The following CNBD1 variants were observed in gnomAD, a reference collection of about 807,000 sequenced individuals.
The protein encoded by CNBD1 is cyclic nucleotide binding domain containing 1, also known as cyclic nucleotide-binding domain-containing protein 1.
Under a neutral mutation model 54.4 loss-of-function variants are expected in CNBD1, and 71 were observed. The ratio of observed to expected loss-of-function variants is 1.30; its 90% CI spans 1.08 to 1.59. The LOEUF is 1.59. Ranked by LOEUF, CNBD1 falls within the 40% of genes most tolerant of loss-of-function variation. CNBD1 has a pLI of 0.00. For synonymous variants in CNBD1, 182 were observed against 170.7 expected (o/e 1.07, Z -0.51); for missense variants, 659 against 518.0 (o/e 1.27, Z -2.64).
Position 87,321,728 on chromosome 8 carries a change from G to A in CNBD1, c.1043-29957G>A, listed in dbSNP as rs116356475. ...CATTTGTCTATTTTTGCTTTTTTGT[G>A]CCTGTGCTTTTGGTGTCGTATCCAA... On this transcript the variant is annotated intron_variant, in intron 8 of 10. Coordinates refer to ENST00000518476, the MANE Select transcript of CNBD1 (RefSeq NM_173538.3). Among the ~76,000 whole-genome samples the A allele has an allele frequency of 6.0e-3, 912 of 150,890 alleles. 10 individuals are homozygous for A. Among genetic ancestry groups the A allele is most frequent in the African/African-American group, 0.021 (856 of 41,144 alleles).
At chr8:86,954,676 G>A (rs570039503) in intron 4 of CNBD1, among the ~76,000 whole-genome samples, 43 of 152,154 alleles carry the variant, frequency 2.8e-4, no homozygotes, top group Non-Finnish European at 5.1e-4. Flanking sequence ...TGTTATAATG[G>A]TAGCTCTTAG....
intron 4 of CNBD1, among the ~76,000 whole-genome samples, chr8:87,131,882 T>A (rs2130727287): frequency 6.6e-6 from 1 of 152,176 alleles, no homozygotes; most frequent in Middle Eastern, 3.4e-3. Flanking sequence ...AAGACTTTCT[T>A]CATGATTTCT....
intron 1 of CNBD1, among the ~76,000 whole-genome samples, chr8:86,881,566 T>C (rs1012010953): frequency 6.6e-6 from 1 of 152,162 alleles, no homozygotes; most frequent in African/African-American, 2.4e-5. Flanking sequence ...ATAGGACAGA[T>C]AAATATCATT....
chr8:86,965,871 C>T (rs1808059453), intron 4 of CNBD1, among the ~76,000 whole-genome samples: 2 of 152,138 alleles, frequency 1.3e-5, no homozygotes, highest in Non-Finnish European at 2.9e-5. Context: ...CAGTTCTCAA[C>T]AGAGAGGAGG....
intron 8 of CNBD1, among the ~76,000 whole-genome samples, chr8:87,291,089 G>T (rs1015798595): frequency 6.6e-6 from 1 of 152,132 alleles, no homozygotes; most frequent in Non-Finnish European, 1.5e-5. Context: ...CTTAGAAATA[G>T]TCTATGTCCT....
chr8:86,937,424 T>C (rs1809568776), intron 3 of CNBD1, among the ~76,000 whole-genome samples: 1 of 152,114 alleles, frequency 6.6e-6, no homozygotes. Flanking sequence ...CAAAACCAAT[T>C]GTACCTTCCC....
Position 87,382,791 on chromosome 8 carries a change from C to A in CNBD1, c.*164C>A, listed in dbSNP as rs1030919602. The stretch of plus-strand genomic sequence containing the variant: ...TCCCACTTTCGAATTGCCTTTCAAA[C>A]ACAGTTTTTATTAGCAGTCTTTCTT... On this transcript the variant is annotated 3_prime_UTR_variant, in exon 11 of 11. Coordinates refer to ENST00000518476, the MANE Select transcript of CNBD1 (RefSeq NM_173538.3). 4.4e-6 allele frequency: 2 copies of A among 455,480 alleles called. No homozygotes were observed. The highest frequency in any genetic ancestry group is 3.9e-6 in the Non-Finnish European group (1 of 255,482). 28.2% of individuals were successfully genotyped at this position (455,480 alleles called of 1,614,324 possible).
At chr8:86,960,638 G>C (rs1321976701) in intron 4 of CNBD1, among the ~76,000 whole-genome samples, 1 of 152,164 alleles carries the variant, frequency 6.6e-6, no homozygotes, top group Non-Finnish European at 1.5e-5. Context: ...CAGAGTAGTG[G>C]TTCTCCCAGC....
intron 10 of CNBD1, among the ~76,000 whole-genome samples, chr8:87,364,378 T>C (rs950481622): frequency 9.2e-5 from 14 of 151,922 alleles, no homozygotes; most frequent in African/African-American, 3.4e-4. Flanking sequence ...AAGAAGTTAA[T>C]GTTTTTGCTC....
At chr8:87,301,935 C>A (rs1322619777) in intron 8 of CNBD1, among the ~76,000 whole-genome samples, 2 of 152,040 alleles carry the variant, frequency 1.3e-5, no homozygotes, top group East Asian at 1.9e-4. Context: ...AAGATTAAAC[C>A]AGGAAGAATT....
At chr8:87,041,230 G>A (rs779979094) in intron 4 of CNBD1, among the ~76,000 whole-genome samples, 19 of 152,056 alleles carry the variant, frequency 1.2e-4, no homozygotes, top group Non-Finnish European at 2.1e-4. Context: ...GGAGGGGTAG[G>A]GGAGACATGT....
chr8:86,990,043 A>T (rs1808709209), intron 4 of CNBD1, among the ~76,000 whole-genome samples: 1 of 152,252 alleles, frequency 6.6e-6, no homozygotes, highest in Middle Eastern at 3.4e-3. Context: ...TTAAAATCAG[A>T]TTATTAGATT....
intron 2 of CNBD1, among the ~76,000 whole-genome samples, chr8:87,391,262 A>T (rs947280125): frequency 2.0e-5 from 3 of 151,856 alleles, no homozygotes; most frequent in African/African-American, 7.3e-5. Context: ...AATTTCAAAT[A>T]AAAAAAAGAT....
chr8:86,913,782 G>A (rs1809141704), intron 3 of CNBD1, among the ~76,000 whole-genome samples: 1 of 152,146 alleles, frequency 6.6e-6, no homozygotes, highest in Non-Finnish European at 1.5e-5. Context: ...GAATTCGCCA[G>A]GCTGGAATTT....
intron 4 of CNBD1, among the ~76,000 whole-genome samples, chr8:87,143,246 A>G (rs949302863): frequency 8.5e-5 from 13 of 152,162 alleles, no homozygotes; most frequent in African/African-American, 3.1e-4. Flanking sequence ...CAGTATGCCA[A>G]GGGATGTCTG....
In CNBD1 at chr8:87,399,608, G is replaced by A. The variant is rs565796434; in HGVS notation, c.214-28938G>A. Among the ~76,000 whole-genome samples the A allele has an allele frequency of 2.6e-5, 4 of 152,112 alleles. No homozygotes were observed. In the South Asian group the frequency reaches 6.2e-4, roughly 24 times the overall value. On this transcript the variant is annotated intron_variant, in intron 2 of 7. Transcript: ENST00000521593. Reference sequence around the variant, plus strand: ...AAAGTTCAATCAAATGAGAGCAGGAGTGTTATTCAAAATATTTAACCCTTG... The same window carrying A: ...AAAGTTCAATCAAATGAGAGCAGGAATGTTATTCAAAATATTTAACCCTTG...
At chr8:87,347,094 C>T (rs1052608984) in intron 8 of CNBD1, among the ~76,000 whole-genome samples, 2 of 152,144 alleles carry the variant, frequency 1.3e-5, no homozygotes, top group East Asian at 1.9e-4. Context: ...ATCTTTCACA[C>T]GTACTTTGCT....
rs114215732 is a variant in CNBD1 at position 87,284,764 on chromosome 8, C to T, written c.858C>T (p.Asp286=). 2,406 of 1,573,582 alleles carry T rather than the reference C, an allele frequency of 1.5e-3. 45 individuals carry two copies. In the African/African-American group the frequency reaches 0.029, roughly 19 times the overall value. Reference sequence around the variant, plus strand: ...AGATGTTCTCGGTGGTGACAGAAGACGATTGTGAAATTCTTAAAATCCCAG... The same window carrying T: ...AGATGTTCTCGGTGGTGACAGAAGATGATTGTGAAATTCTTAAAATCCCAG... ...ETQMFSVVTE[D]DCEILKIPAK... The change falls in exon 7 of 11, where the codon GAC becomes GAT. Residue 286 remains aspartate (D), a synonymous_variant. Coordinates refer to ENST00000518476, the MANE Select transcript of CNBD1 (RefSeq NM_173538.3).
chr8:87,366,655 G>A (rs927210335), intron 10 of CNBD1, among the ~76,000 whole-genome samples: 10 of 152,120 alleles, frequency 6.6e-5, no homozygotes, highest in African/African-American at 2.4e-4. Flanking sequence ...GCTGAAGGTC[G>A]TGGGGGCCAC....
Sources: gnomAD v4.1 joint callset for allele counts (sites outside exome capture counted in the v4.1 genomes callset) on GRCh38, gnomAD v4.1.1 for gene constraint, MANE v1.5 for transcripts, NCBI Gene and HGNC (gene_info 2026-07-23, HGNC 2026-07-21) for gene names.